The following NSUN6 variants were observed in gnomAD, a reference collection of about 807,000 sequenced individuals.
The protein encoded by NSUN6 is tRNA (cytosine(72)-C(5))-methyltransferase NSUN6.
A neutral mutation model predicts 58.0 loss-of-function variants in NSUN6; 64 were observed. The observed-to-expected ratio is 1.10, with a 90% CI of 0.90 to 1.36. NSUN6 has a LOEUF of 1.36. Ranked by LOEUF, NSUN6 falls within the 40% of genes most tolerant of loss-of-function variation. The probability of loss-of-function intolerance (pLI) is 0.00; values close to 1 mark genes in which losing one functional copy is unlikely to be tolerated. For synonymous variants in NSUN6, 231 were observed against 193.9 expected (o/e 1.19, Z -1.59); for missense variants, 701 against 550.1 (o/e 1.27, Z -2.74).
chr10:18,602,164 C>G (rs11015089), intron 6 of NSUN6, among the ~76,000 whole-genome samples: 1 of 150,554 alleles, frequency 6.6e-6, no homozygotes, highest in East Asian at 2.0e-4. Flanking sequence ...CCAGGTTCAA[C>G]TGATTCTCCT....
chr10:18,602,154 C>T (rs2057868300), intron 6 of NSUN6, among the ~76,000 whole-genome samples: 1 of 151,604 alleles, frequency 6.6e-6, no homozygotes, highest in Non-Finnish European at 1.5e-5. Context: ...CCTCTGCCTC[C>T]CAGGTTCAAC....
chr10:18,558,791 G>A (rs12569760), intron 8 of NSUN6, among the ~76,000 whole-genome samples: 82,903 of 148,418 alleles, frequency 0.56, 23,456 homozygotes, highest in East Asian at 0.96. Context: ...AATTGAGAAT[G>A]GAATGGACAA....
At chr10:18,569,198 T>A (rs1439503519) in intron 8 of NSUN6, among the ~76,000 whole-genome samples, 3 of 151,240 alleles carry the variant, frequency 2.0e-5, no homozygotes, top group African/African-American at 7.3e-5. Context: ...CTCCATTCCA[T>A]TCCATTCTGC....
chr10:18,608,625 T>G (rs1230998289), intron 6 of NSUN6, among the ~76,000 whole-genome samples: 1 of 117,304 alleles, frequency 8.5e-6, no homozygotes, highest in African/African-American at 3.2e-5. Flanking sequence ...CGTGACAGAG[T>G]AAGATCCTGT....
At chr10:18,548,851 A>G (rs776825099) in intron 9 of NSUN6, among the ~76,000 whole-genome samples, 3 of 152,176 alleles carry the variant, frequency 2.0e-5, no homozygotes, top group Non-Finnish European at 4.4e-5. Flanking sequence ...CTCAGGTCCC[A>G]AACCTCAGAT....
chr10:18,616,133 T>C, intron 4 of NSUN6, 51 bp downstream of exon 4: 1 of 1,031,942 alleles, frequency 9.7e-7, no homozygotes, highest in South Asian at 1.3e-5. Context: ...CATTTGAAAA[T>C]GCACATAAAT....
chr10:18,653,914 G>A (rs1206542964), upstream of NSUN6, among the ~76,000 whole-genome samples: 1 of 152,102 alleles, frequency 6.6e-6, no homozygotes, highest in Non-Finnish European at 1.5e-5. Flanking sequence ...ACTCAGGGAG[G>A]ACTGAAACAA....
At chr10:18,585,883 A>C in intron 8 of NSUN6, 66 bp downstream of exon 8, 1 of 1,226,718 alleles carries the variant, frequency 8.2e-7, no homozygotes, top group Non-Finnish European at 1.2e-6. Flanking sequence ...ACATGTCAAA[A>C]CATCACACTG....
At position 18,648,527 on chromosome 10, in the gene NSUN6, T is replaced by G. The variant is rs1394860768; in HGVS notation, c.194A>C (p.Gln65Pro). Residue 65 changes from glutamine to proline, a missense_variant, in exon 2 of 11, where the codon CAA becomes CCA. Transcript: ENST00000377304. ...ATCAAGTAACAGATTTTTCACATGT[T>G]GTACTGAGGCTAAATGTGTATTCAC... ...VRVNTHLASV[Q>P]HVKNLLLDEL... The G allele has an allele frequency of 6.8e-6, 11 of 1,609,120 alleles. No individual in the cohort carries two copies. Among genetic ancestry groups the G allele is most frequent in the Non-Finnish European group, 9.4e-6 (11 of 1,176,016 alleles).
intron 1 of NSUN6, among the ~76,000 whole-genome samples, chr10:18,650,498 G>A (rs2059672105): frequency 1.3e-5 from 2 of 152,146 alleles, no homozygotes; most frequent in Admixed American, 1.3e-4. Flanking sequence ...AAAAATCTAG[G>A]TTAAGCCACG....
intron 8 of NSUN6, among the ~76,000 whole-genome samples, chr10:18,577,813 G>C (rs1424364309): frequency 6.6e-6 from 1 of 152,094 alleles, no homozygotes; most frequent in African/African-American, 2.4e-5. Flanking sequence ...GACTCATTCT[G>C]ATCTACCCTG....
At chr10:18,584,138 T>A (rs1335849518) in intron 8 of NSUN6, among the ~76,000 whole-genome samples, 1 of 152,106 alleles carries the variant, frequency 6.6e-6, no homozygotes, top group Non-Finnish European at 1.5e-5. Context: ...GCCACTCTTG[T>A]GGGGAGTAGG....
intron 8 of NSUN6, among the ~76,000 whole-genome samples, chr10:18,576,503 T>G (rs369910666): frequency 6.6e-6 from 1 of 152,240 alleles, no homozygotes. Flanking sequence ...TTTTTGTAAT[T>G]TCCTAAAACT....
At chr10:18,594,744 C>A (rs1329494210) in intron 7 of NSUN6, among the ~76,000 whole-genome samples, 1 of 152,184 alleles carries the variant, frequency 6.6e-6, no homozygotes, top group African/African-American at 2.4e-5. Flanking sequence ...ATTGCTGCCC[C>A]ACTGTGGCTG....
intron 2 of NSUN6, among the ~76,000 whole-genome samples, chr10:18,646,812 C>G (rs988162511): frequency 1.3e-5 from 2 of 152,182 alleles, no homozygotes; most frequent in Admixed American, 1.3e-4. Context: ...GCCTGGGCGA[C>G]AGAGTGAGAC....
chr10:18,594,551 C>T (rs1192249897), intron 7 of NSUN6, among the ~76,000 whole-genome samples: 7 of 151,986 alleles, frequency 4.6e-5, no homozygotes, highest in African/African-American at 9.7e-5. Flanking sequence ...CAGGTCCAAG[C>T]GATTCTCCTG....
At chr10:18,614,104 T>C (rs2058329078) in intron 5 of NSUN6, among the ~76,000 whole-genome samples, 2 of 152,278 alleles carry the variant, frequency 1.3e-5, no homozygotes, top group African/African-American at 4.8e-5. Context: ...TCAAACTTTT[T>C]CTGACAAATA....
intron 8 of NSUN6, among the ~76,000 whole-genome samples, chr10:18,560,280 A>G (rs1364496764): frequency 6.6e-6 from 1 of 151,428 alleles, no homozygotes; most frequent in African/African-American, 2.4e-5. Context: ...GGAATAGAGA[A>G]TGGTATGGAA....
At chr10:18,652,776 T>C (rs1034931464), upstream of NSUN6, 3 of 486,310 alleles carry the variant, frequency 6.2e-6, no homozygotes, top group African/African-American at 6.3e-5. Flanking sequence ...GCCAGGCTGG[T>C]CTCAAACTCC....
Sources: gnomAD v4.1 joint callset for allele counts (sites outside exome capture counted in the v4.1 genomes callset) on GRCh38, gnomAD v4.1.1 for gene constraint, MANE v1.5 for transcripts, NCBI Gene and HGNC (gene_info 2026-07-23, HGNC 2026-07-21) for gene names.